Variants in PAX5 observed in about 807,000 individuals in gnomAD.
PAX5 encodes the protein paired box protein Pax-5.
A neutral mutation model predicts 43.7 loss-of-function variants in PAX5; 9 were observed. That is an observed-to-expected ratio of 0.21 (90% CI 0.12 to 0.36). The LOEUF (loss-of-function observed/expected upper bound fraction) is 0.36. Among genes scored for constraint, PAX5 ranks in the 10% least tolerant of loss-of-function variants. The pLI is 1.00. For synonymous variants in PAX5, 228 were observed against 214.3 expected (o/e 1.06, Z -0.56); for missense variants, 383 against 532.7 (o/e 0.72, Z 2.77).
chr9:36,961,601 T>A (rs1833980827), intron 6 of PAX5, among the ~76,000 whole-genome samples: 1 of 152,242 alleles, frequency 6.6e-6, no homozygotes, highest in Non-Finnish European at 1.5e-5. Flanking sequence ...AACTGTGAGC[T>A]TTTATGGGCT....
intron 8 of PAX5, among the ~76,000 whole-genome samples, 154 bp downstream of exon 8, chr9:36,881,850 C>A (rs549056216): frequency 2.4e-4 from 37 of 152,254 alleles, no homozygotes; most frequent in African/African-American, 8.7e-4. Flanking sequence ...GGGCCCACTG[C>A]AGGCCCAGCT....
At chr9:36,861,027 A>C (rs2131646231) in intron 8 of PAX5, 1 of 152,246 alleles carries the variant, frequency 6.6e-6, no homozygotes, top group East Asian at 1.9e-4. Context: ...GGGAGTCAGC[A>C]GGAGGGGAGG....
At position 36,882,267 on chromosome 9, in the gene PAX5, T is replaced by TACACACACACACAC. The variant is rs10650417; in HGVS notation, c.911-176_911-163dup. ...GCTCACACGCTCTCACAAACACACA[T>TACACACACACACAC]ACACACACACACACACACACACACA... On this transcript the variant is annotated intron_variant, in intron 7 of 9. Transcript: ENST00000358127. The surrounding 1 kb of genome is among the most constrained non-coding windows in gnomAD (Gnocchi z 4.4). Among the ~76,000 whole-genome samples, 2 of 146,272 alleles carry TACACACACACACAC rather than the reference T, an allele frequency of 1.4e-5. No individual in the cohort carries two copies. Among genetic ancestry groups the TACACACACACACAC allele is most frequent in the African/African-American group, 5.0e-5 (2 of 40,136 alleles).
At chr9:36,853,942 A>C (rs1336778730) in intron 8 of PAX5, among the ~76,000 whole-genome samples, 4 of 152,220 alleles carry the variant, frequency 2.6e-5, no homozygotes, top group Non-Finnish European at 4.4e-5. Context: ...CTGCCAGATG[A>C]CGGGGATTTG....
chr9:36,941,392 A>G (rs530721345), intron 6 of PAX5, among the ~76,000 whole-genome samples: 1 of 152,312 alleles, frequency 6.6e-6, no homozygotes, highest in African/African-American at 2.4e-5. Flanking sequence ...GAGTCCAAAT[A>G]CAAGCTCTGC....
At chr9:36,911,771 C>G (rs1379267555) in intron 7 of PAX5, among the ~76,000 whole-genome samples, 1 of 152,200 alleles carries the variant, frequency 6.6e-6, no homozygotes, top group Non-Finnish European at 1.5e-5. Flanking sequence ...CCTGGCACCC[C>G]GCCAGAGGGG....
At chr9:36,872,999 T>C (rs55676460) in intron 8 of PAX5, among the ~76,000 whole-genome samples, 20,832 of 152,232 alleles carry the variant, frequency 0.14, 1,484 homozygotes, top group African/African-American at 0.17. Context: ...CTGATGCCCA[T>C]GTTCTCTGGT....
intron 8 of PAX5, among the ~76,000 whole-genome samples, chr9:36,873,999 T>C (rs1331014761): frequency 6.6e-6 from 1 of 152,204 alleles, no homozygotes; most frequent in Admixed American, 6.5e-5. Flanking sequence ...TGCCTGGTAC[T>C]GCGGCCCCCA....
At chr9:36,873,634 T>C (rs1305315829) in intron 8 of PAX5, among the ~76,000 whole-genome samples, 1 of 152,196 alleles carries the variant, frequency 6.6e-6, no homozygotes, top group African/African-American at 2.4e-5. Flanking sequence ...GAACAAAGGC[T>C]GTTCTTTCCC....
chr9:36,996,916 T>TGA (rs1329683224), intron 5 of PAX5, among the ~76,000 whole-genome samples: 1 of 151,482 alleles, frequency 6.6e-6, no homozygotes, highest in Non-Finnish European at 1.5e-5. Context: ...AGTGTGTGTG[T>TGA]GAGAGAGAGT....
At chr9:37,000,859 C>T (rs570312437) in intron 5 of PAX5, among the ~76,000 whole-genome samples, 1 of 152,336 alleles carries the variant, frequency 6.6e-6, no homozygotes, top group East Asian at 1.9e-4. Flanking sequence ...TTCCTTCCTC[C>T]TTCCATGTCA....
chr9:36,837,960 C>A lies in PAX5; in HGVS notation c.*2600G>T, dbSNP rs1821757157. ...GGCAGGATCCAAAGATGTGGGTACA[C>A]ATCATTCCAAAAGAAGGGTGACAGG... On this transcript the variant is annotated 3_prime_UTR_variant, in exon 10 of 10. Coordinates refer to ENST00000358127, the MANE Select transcript of PAX5 (RefSeq NM_016734.3). 1 of 233,284 alleles carries A rather than the reference C, an allele frequency of 4.3e-6. No individual in the cohort carries two copies. Among genetic ancestry groups the A allele is most frequent in the South Asian group, 1.8e-4 (1 of 5,536 alleles). 14.5% of individuals were successfully genotyped at this position (233,284 alleles called of 1,614,324 possible). A position where few individuals can be genotyped will look rare whatever the true frequency, so the allele number is the denominator to read the frequency against.
chr9:36,859,417 C>A (rs1298581184), intron 8 of PAX5, among the ~76,000 whole-genome samples: 2 of 152,152 alleles, frequency 1.3e-5, no homozygotes, highest in South Asian at 2.1e-4. Flanking sequence ...CCAGCTGCTT[C>A]GGCTCTCCTG....
At chr9:36,920,332 G>A (rs1830067795) in intron 7 of PAX5, among the ~76,000 whole-genome samples, 1 of 152,146 alleles carries the variant, frequency 6.6e-6, no homozygotes, top group Non-Finnish European at 1.5e-5. Context: ...ATGAAAAGAA[G>A]AGTCAATTGA....
At chr9:36,889,709 G>A (rs73453262) in intron 7 of PAX5, among the ~76,000 whole-genome samples, 10,675 of 152,194 alleles carry the variant, frequency 0.07, 386 homozygotes, top group African/African-American at 0.077. Context: ...CACTGGCCTG[G>A]CACACAGTAG....
intron 8 of PAX5, among the ~76,000 whole-genome samples, chr9:36,862,199 G>A (rs1434545317): frequency 2.0e-5 from 3 of 152,226 alleles, no homozygotes; most frequent in Admixed American, 1.3e-4. Context: ...TCCCTACGGG[G>A]TTGTGGTGAG....
chr9:37,019,125 G>GCT (rs1041091016), intron 2 of PAX5, among the ~76,000 whole-genome samples: 2 of 151,820 alleles, frequency 1.3e-5, no homozygotes, highest in Non-Finnish European at 2.9e-5. Flanking sequence ...AAAGTATTGT[G>GCT]CTCTCTCTCT....
chr9:36,844,821 C>T (rs1009149642), intron 9 of PAX5, among the ~76,000 whole-genome samples: 1 of 152,222 alleles, frequency 6.6e-6, no homozygotes, highest in Non-Finnish European at 1.5e-5. Flanking sequence ...ACTCCCCAGC[C>T]TGGCCTTCAA....
chr9:37,000,618 G>T (rs771588707), intron 5 of PAX5, among the ~76,000 whole-genome samples: 9 of 152,164 alleles, frequency 5.9e-5, no homozygotes, highest in Non-Finnish European at 1.3e-4. Flanking sequence ...TAATTAAAAA[G>T]TAAAAAAGAT....
Sources: gnomAD v4.1 joint callset for allele counts (sites outside exome capture counted in the v4.1 genomes callset) on GRCh38, gnomAD v4.1.1 for gene constraint, Gnocchi (gnomAD v3.1) non-coding constraint, MANE v1.5 for transcripts, NCBI Gene and HGNC (gene_info 2026-07-23, HGNC 2026-07-21) for gene names.